Variants in MICU1 observed in about 807,000 individuals in gnomAD.
MICU1 encodes calcium uptake protein 1, mitochondrial.
A neutral mutation model predicts 56.8 loss-of-function variants in MICU1; 45 were observed. That is an observed-to-expected ratio of 0.79 (90% CI 0.62 to 1.02). The LOEUF is 1.02. MICU1 is among the 50% of genes least tolerant of loss of function. The probability of loss-of-function intolerance (pLI) is 0.00; values close to 1 mark genes in which losing one functional copy is unlikely to be tolerated. For missense variants in MICU1, 504 were observed against 587.1 expected (o/e 0.86, Z 1.46); for synonymous variants, 186 against 195.1 (o/e 0.95, Z 0.39).
intron 6 of MICU1, chr10:72,477,675 C>A: frequency 1.3e-6 from 1 of 785,878 alleles, no homozygotes; most frequent in East Asian, 2.7e-5. Flanking sequence ...ACATCTTAGT[C>A]TTACCCTCAC....
chr10:72,479,877 T>C lies in MICU1; in HGVS notation c.653-2621A>G, dbSNP rs1361424927. On this transcript the variant is annotated intron_variant, in intron 6 of 11. Coordinates refer to ENST00000361114, the MANE Select transcript of MICU1 (RefSeq NM_001195518.2). ...GATTATAAATCTCTTCAGGTGGAAA[T>C]GTTCTCTCTTATTCTTCCTTATTTT... Among the ~76,000 whole-genome samples, 4 of 152,306 alleles carry C rather than the reference T, an allele frequency of 2.6e-5. No individual in the cohort carries two copies. In the East Asian group the frequency reaches 7.7e-4, roughly 29 times the overall value.
chr10:72,586,136 T>C (rs1246598768), intron 1 of MICU1, among the ~76,000 whole-genome samples: 1 of 147,392 alleles, frequency 6.8e-6, no homozygotes, highest in Non-Finnish European at 1.5e-5. Flanking sequence ...TGACTCAGCC[T>C]CCAAGTAGCT....
intron 9 of MICU1, among the ~76,000 whole-genome samples, chr10:72,420,932 G>A (rs183616036): frequency 6.7e-6 from 1 of 149,402 alleles, no homozygotes; most frequent in Admixed American, 6.7e-5. Context: ...AACCCAGGAG[G>A]CGGAGGTTGC....
At chr10:72,444,786 G>A (rs978468559) in intron 8 of MICU1, among the ~76,000 whole-genome samples, 83 of 152,294 alleles carry the variant, frequency 5.4e-4, no homozygotes, top group African/African-American at 1.9e-3. Flanking sequence ...CGCACACAGA[G>A]CTGGGGTACA....
intron 10 of MICU1, among the ~76,000 whole-genome samples, chr10:72,384,007 T>TA (rs1554858675): frequency 6.6e-6 from 1 of 151,818 alleles, no homozygotes; most frequent in African/African-American, 2.4e-5. Flanking sequence ...AATTTTTTTT[T>TA]AATTGAGACA....
chr10:72,431,086 A>G (rs1005154797), intron 8 of MICU1, among the ~76,000 whole-genome samples: 8 of 136,860 alleles, frequency 5.8e-5, no homozygotes, highest in African/African-American at 1.6e-4. Flanking sequence ...ATATACCTTT[A>G]TCTGTCTGTC....
At chr10:72,569,235 A>ATTTTTTTTTTTTTTTTTT (rs1245936809) in intron 1 of MICU1, among the ~76,000 whole-genome samples, 5 of 42,572 alleles carry the variant, frequency 1.2e-4, no homozygotes, top group African/African-American at 1.9e-4. Flanking sequence ...ATATATATAT[A>ATTTTTTTTTTTTTTTTTT]TATTTTTTTT....
intron 6 of MICU1, among the ~76,000 whole-genome samples, chr10:72,494,105 A>G (rs200421788): frequency 1.3e-5 from 2 of 152,166 alleles, no homozygotes; most frequent in East Asian, 3.8e-4. Flanking sequence ...GGAGTGGTCT[A>G]AGCTTAGGAA....
intron 8 of MICU1, among the ~76,000 whole-genome samples, chr10:72,456,950 T>TGTGTGTGTGG (rs1294043379): frequency 4.5e-4 from 45 of 99,264 alleles, no homozygotes; most frequent in African/African-American, 2.6e-3. Flanking sequence ...TGCCCAGGTG[T>TGTGTGTGTGG]GTGTGTGTGT....
chr10:72,547,184 C>T (rs1452831398), intron 4 of MICU1, among the ~76,000 whole-genome samples: 1 of 152,028 alleles, frequency 6.6e-6, no homozygotes, highest in African/African-American at 2.4e-5. Flanking sequence ...TGAGCCACCA[C>T]GCCCGGCCTC....
intron 10 of MICU1, among the ~76,000 whole-genome samples, chr10:72,385,791 T>G (rs1862867403): frequency 6.6e-6 from 1 of 152,148 alleles, no homozygotes; most frequent in South Asian, 2.1e-4. Context: ...ATGAGAAAGG[T>G]GATGGGCTAG....
At chr10:72,421,663 C>T (rs1864179116) in intron 9 of MICU1, among the ~76,000 whole-genome samples, 1 of 152,182 alleles carries the variant, frequency 6.6e-6, no homozygotes, top group Non-Finnish European at 1.5e-5. Flanking sequence ...TCCATGTTCT[C>T]CAACCTCAAG....
Position 72,367,756 on chromosome 10 carries a change from G to T in MICU1, c.*439C>A, listed in dbSNP as rs1469694937. The T allele has an allele frequency of 6.3e-6, 1 of 159,782 alleles. No individual in the cohort carries two copies. Among genetic ancestry groups the T allele is most frequent in the African/African-American group, 2.4e-5 (1 of 41,582 alleles). 9.9% of individuals were successfully genotyped at this position (159,782 alleles called of 1,614,324 possible). On this transcript the variant is annotated 3_prime_UTR_variant, in exon 12 of 12. Coordinates refer to ENST00000361114, the MANE Select transcript of MICU1 (RefSeq NM_001195518.2). ...TATCATCACAGACTTCTTTCTGCCTGCCAGATATCTTCCCTACTTGTGGCT... is the reference window on the plus strand; with the variant it reads ...TATCATCACAGACTTCTTTCTGCCTTCCAGATATCTTCCCTACTTGTGGCT...
chr10:72,369,010 G>A (rs1327621159), intron 11 of MICU1, among the ~76,000 whole-genome samples: 3 of 152,150 alleles, frequency 2.0e-5, no homozygotes, highest in Admixed American at 2.0e-4. Flanking sequence ...GAGTGTGGTG[G>A]CTTGTGCTTG....
intron 1 of MICU1, among the ~76,000 whole-genome samples, chr10:72,567,222 T>C (rs999276996): frequency 1.3e-5 from 2 of 152,060 alleles, no homozygotes; most frequent in Non-Finnish European, 2.9e-5. Context: ...CATGCACTTG[T>C]AGTCCCAGCT....
intron 10 of MICU1, among the ~76,000 whole-genome samples, chr10:72,405,489 G>A (rs554853281): frequency 6.6e-6 from 1 of 151,906 alleles, no homozygotes; most frequent in East Asian, 1.9e-4. Context: ...CCAAAGTGCT[G>A]GGATAACAGG....
intron 10 of MICU1, among the ~76,000 whole-genome samples, chr10:72,404,886 C>G (rs974539363): frequency 3.3e-5 from 5 of 151,840 alleles, no homozygotes; most frequent in Admixed American, 3.3e-4. Context: ...AAGGAAAAAT[C>G]CCTCATTTTA....
chr10:72,560,785 G>A (rs926543062), intron 3 of MICU1, among the ~76,000 whole-genome samples: 7 of 152,080 alleles, frequency 4.6e-5, no homozygotes, highest in East Asian at 3.9e-4. Context: ...CATGAGAATC[G>A]TTTGAATCCA....
At chr10:72,567,174 C>T (rs1056768769) in intron 1 of MICU1, among the ~76,000 whole-genome samples, 2 of 151,872 alleles carry the variant, frequency 1.3e-5, no homozygotes, top group African/African-American at 2.4e-5. Context: ...CATAGTAGGA[C>T]CCCATCTCTA....
Sources: allele counts gnomAD v4.1 joint callset (sites outside exome capture counted in the v4.1 genomes callset), GRCh38; gene constraint gnomAD v4.1.1; transcripts MANE v1.5; gene names NCBI Gene and HGNC (gene_info 2026-07-23, HGNC 2026-07-21).